SLC35D4: variants seen among roughly 807,000 people sequenced by gnomAD.
SLC35D4 encodes the protein solute carrier family 35 member D4.
At chr18:23,361,121 A>G in the SLC35D4 span, among the ~76,000 whole-genome samples, 3 of 145,152 alleles carry the variant, frequency 2.1e-5, no homozygotes, top group Admixed American at 6.7e-5. Flanking sequence ...AAAAAAAAAA[A>G]AAAAGAAAAA....
the SLC35D4 span, among the ~76,000 whole-genome samples, chr18:23,319,108 T>C: frequency 6.6e-6 from 1 of 151,776 alleles, no homozygotes; most frequent in Admixed American, 6.6e-5. Flanking sequence ...CCTCCCAGAG[T>C]GCTGGGATTA....
chr18:23,251,991 CAGG>C, the SLC35D4 span, among the ~76,000 whole-genome samples: 2 of 151,466 alleles, frequency 1.3e-5, no homozygotes, highest in Non-Finnish European at 1.5e-5. Context: ...GAAGCTGAGA[CAGG>C]AGAATCGCTT....
chr18:23,419,473 G>C, the SLC35D4 span, among the ~76,000 whole-genome samples: 1 of 151,866 alleles, frequency 6.6e-6, no homozygotes, highest in African/African-American at 2.4e-5. Flanking sequence ...TGTATTTTTA[G>C]TAGAGACAGG....
At chr18:23,369,573 G>A in the SLC35D4 span, among the ~76,000 whole-genome samples, 1 of 152,180 alleles carries the variant, frequency 6.6e-6, no homozygotes, top group Admixed American at 6.5e-5. Context: ...TGATGCAGCC[G>A]ATTGGCACCC....
At chr18:23,416,929 C>G in the SLC35D4 span, among the ~76,000 whole-genome samples, 1 of 152,180 alleles carries the variant, frequency 6.6e-6, no homozygotes, top group African/African-American at 2.4e-5. Context: ...TTCTACTAGT[C>G]ATTAGCTGCC....
At chr18:23,278,877 G>C in the SLC35D4 span, among the ~76,000 whole-genome samples, 3,738 of 152,054 alleles carry the variant, frequency 0.025, 56 homozygotes, top group Middle Eastern at 0.051. Flanking sequence ...AGCCGGGTGT[G>C]GTGGGGCTCA....
At chr18:23,401,666 A>G in the SLC35D4 span, among the ~76,000 whole-genome samples, 2 of 152,204 alleles carry the variant, frequency 1.3e-5, no homozygotes, top group African/African-American at 4.8e-5. Flanking sequence ...GAGGAGGTGC[A>G]CTGGGTGAAA....
chr18:23,373,812 G>C, the SLC35D4 span: 1 of 1,601,142 alleles, frequency 6.2e-7, no homozygotes, highest in East Asian at 2.2e-5. Flanking sequence ...CAACATCAAA[G>C]GTTTCCCTAA....
chr18:23,337,009 G>A, the SLC35D4 span, among the ~76,000 whole-genome samples: 12 of 151,616 alleles, frequency 7.9e-5, no homozygotes, highest in South Asian at 2.5e-3. Context: ...TGTAGTGTGT[G>A]TGTGTGTGTG....
chr18:23,388,334 G>A, the SLC35D4 span, among the ~76,000 whole-genome samples: 1 of 152,164 alleles, frequency 6.6e-6, no homozygotes, highest in African/African-American at 2.4e-5. Context: ...TATTTTATGT[G>A]TATTCTCTTA....
At chr18:23,314,460 TG>T in the SLC35D4 span, among the ~76,000 whole-genome samples, 8 of 151,904 alleles carry the variant, frequency 5.3e-5, no homozygotes, top group East Asian at 9.7e-4. Context: ...GTGCTTACCC[TG>T]GGGGGGGCTA....
the SLC35D4 span, among the ~76,000 whole-genome samples, chr18:23,368,026 AAGTCCACATACCAT>A: frequency 6.6e-6 from 1 of 152,166 alleles, no homozygotes; most frequent in Non-Finnish European, 1.5e-5. Flanking sequence ...ATACAAACAG[AAGTCCACATACCAT>A]ATTTAAAAGT....
At chr18:23,266,461 A>G in the SLC35D4 span, among the ~76,000 whole-genome samples, 2 of 151,760 alleles carry the variant, frequency 1.3e-5, no homozygotes, top group Non-Finnish European at 2.9e-5. Flanking sequence ...TGGAGCACAG[A>G]TAGGTGCCTA....
At chr18:23,396,484 G>C in the SLC35D4 span, among the ~76,000 whole-genome samples, 1 of 152,170 alleles carries the variant, frequency 6.6e-6, no homozygotes, top group African/African-American at 2.4e-5. Context: ...GCTGGGTTGA[G>C]TTATTTTACT....
At chr18:23,410,687 C>T in the SLC35D4 span, among the ~76,000 whole-genome samples, 2 of 151,820 alleles carry the variant, frequency 1.3e-5, no homozygotes, top group African/African-American at 4.8e-5. Context: ...GTGCCAGCTA[C>T]TCGGGAGACT....
chr18:23,377,066 T>C, the SLC35D4 span: 1 of 436,594 alleles, frequency 2.3e-6, no homozygotes, highest in Non-Finnish European at 4.6e-6. Context: ...ACTGAGCTGC[T>C]TGGCCTGCAG....
chr18:23,268,806 G>A, the SLC35D4 span, among the ~76,000 whole-genome samples: 8 of 113,788 alleles, frequency 7.0e-5, no homozygotes, highest in Admixed American at 1.5e-4. Flanking sequence ...GTGTGTGCGT[G>A]TGTGTGTGTG....
chr18:23,364,931 AAAG>A, the SLC35D4 span, among the ~76,000 whole-genome samples: 73 of 11,946 alleles, frequency 6.1e-3, 12 homozygotes, highest in African/African-American at 0.019. Context: ...AAAAAAAAAA[AAAG>A]GACTCCTTTC....
the SLC35D4 span, among the ~76,000 whole-genome samples, chr18:23,246,649 C>T: frequency 1.3e-5 from 2 of 151,588 alleles, no homozygotes; most frequent in Non-Finnish European, 2.9e-5. Context: ...CCTTGGCCTC[C>T]CAAAGTGCTG....
Sources: allele counts gnomAD v4.1 joint callset (sites outside exome capture counted in the v4.1 genomes callset), GRCh38; gene constraint gnomAD v4.1.1; transcripts MANE v1.5; gene names NCBI Gene and HGNC (gene_info 2026-07-23, HGNC 2026-07-21).